Variants in ATP9B observed in about 807,000 individuals in gnomAD.
ATP9B encodes probable phospholipid-transporting ATPase IIB.
Under a neutral mutation model 146.1 loss-of-function variants are expected in ATP9B, and 110 were observed. The observed-to-expected ratio is 0.75, with a 90% confidence interval of 0.65 to 0.88. The LOEUF (loss-of-function observed/expected upper bound fraction) is 0.88, where lower values mean the gene tolerates loss of function less well. Among genes scored for constraint, ATP9B ranks in the 40% least tolerant of loss-of-function variants. The probability of loss-of-function intolerance (pLI) is 0.00; values close to 1 mark genes in which losing one functional copy is unlikely to be tolerated. For missense variants in ATP9B, 1,499 were observed against 1,496.4 expected, an observed-to-expected ratio of 1.00 and a Z score of -0.03; for synonymous variants, 604 against 569.7, an observed-to-expected ratio of 1.06 and a Z score of -0.86.
At chr18:79,143,555 A>G (rs1043546090) in intron 5 of ATP9B, among the ~76,000 whole-genome samples, 4 of 152,216 alleles carry the variant, frequency 2.6e-5, no homozygotes, top group Admixed American at 2.6e-4. Context: ...TTCTGAGTGT[A>G]GTCCCCTTTT....
chr18:79,330,812 A>G (rs1228855871), intron 17 of ATP9B, among the ~76,000 whole-genome samples: 2 of 152,248 alleles, frequency 1.3e-5, no homozygotes, highest in Non-Finnish European at 2.9e-5. Context: ...TTTTGTTTAT[A>G]ATAGAAATAG....
chr18:79,171,878 G>GTTTTT (rs144146479), intron 7 of ATP9B, among the ~76,000 whole-genome samples: 1 of 146,632 alleles, frequency 6.8e-6, no homozygotes, highest in East Asian at 2.0e-4. Flanking sequence ...TCGGAGACTC[G>GTTTTT]TTTTTTTTTG....
chr18:79,150,924 A>G (rs2094679278), intron 6 of ATP9B, among the ~76,000 whole-genome samples: 2 of 152,160 alleles, frequency 1.3e-5, no homozygotes, highest in Admixed American at 6.5e-5. Context: ...GCAGTGAGCC[A>G]TGATCATTGT....
intron 5 of ATP9B, among the ~76,000 whole-genome samples, chr18:79,136,609 T>A (rs2094450590): frequency 6.6e-6 from 1 of 152,208 alleles, no homozygotes; most frequent in Non-Finnish European, 1.5e-5. Context: ...AGTGACACAT[T>A]CATTGATGTT....
chr18:79,289,260 CG>C (rs2146078929), intron 13 of ATP9B, among the ~76,000 whole-genome samples: 1 of 152,284 alleles, frequency 6.6e-6, no homozygotes, highest in African/African-American at 2.4e-5. Flanking sequence ...GCCAATCAGA[CG>C]GAGATTTGGT....
intron 7 of ATP9B, among the ~76,000 whole-genome samples, chr18:79,164,485 G>A (rs1169291304): frequency 6.6e-6 from 1 of 152,156 alleles, no homozygotes; most frequent in Admixed American, 6.5e-5. Flanking sequence ...GGAGGCCGAG[G>A]CAGGCGGATC....
chr18:79,366,030 G>A (rs973708243), intron 26 of ATP9B, among the ~76,000 whole-genome samples: 1 of 152,268 alleles, frequency 6.6e-6, no homozygotes, highest in Non-Finnish European at 1.5e-5. Context: ...GGTTACTGCT[G>A]ACTCACATGA....
At chr18:79,203,740 A>C (rs1203702338) in intron 9 of ATP9B, among the ~76,000 whole-genome samples, 1 of 152,204 alleles carries the variant, frequency 6.6e-6, no homozygotes, top group Non-Finnish European at 1.5e-5. Context: ...CTTAATGCCA[A>C]CTGTATGCTC....
intron 26 of ATP9B, chr18:79,361,821 T>G: frequency 5.1e-6 from 5 of 985,354 alleles, no homozygotes; most frequent in Non-Finnish European, 6.0e-6. Flanking sequence ...GCCAACGCAG[T>G]TTATCCACAC....
At chr18:79,359,184 A>G (rs1353371175) in intron 25 of ATP9B, among the ~76,000 whole-genome samples, 170 bp from the exon 26 acceptor site, 2 of 152,170 alleles carry the variant, frequency 1.3e-5, no homozygotes, top group Admixed American at 6.5e-5. Flanking sequence ...GTGCTCTGAG[A>G]TAAATACTCA....
intron 1 of ATP9B, among the ~76,000 whole-genome samples, chr18:79,070,108 C>A (rs889478450): frequency 1.3e-5 from 2 of 152,132 alleles, no homozygotes; most frequent in Non-Finnish European, 2.9e-5. Context: ...TTAGTGGGGT[C>A]ACAGGTTAGC....
chr18:79,148,586 G>A (rs2094629950), intron 6 of ATP9B, among the ~76,000 whole-genome samples: 2 of 152,194 alleles, frequency 1.3e-5, no homozygotes, highest in African/African-American at 2.4e-5. Context: ...TAGAGGGACA[G>A]TAACAATATC....
intron 6 of ATP9B, chr18:79,145,216 G>A (rs1321466647): frequency 4.2e-5 from 6 of 141,568 alleles, no homozygotes; most frequent in South Asian, 3.6e-4. Flanking sequence ...GCTGCATGTC[G>A]GGGGAGCTGG....
chr18:79,072,292 C>G (rs1280168535), intron 1 of ATP9B, among the ~76,000 whole-genome samples: 2 of 151,768 alleles, frequency 1.3e-5, no homozygotes, highest in Non-Finnish European at 2.9e-5. Context: ...GGCAGAGGAC[C>G]CTGCGGCCTT....
At chr18:79,327,851 TCTCC>T (rs2096765751) in intron 15 of ATP9B, among the ~76,000 whole-genome samples, 2 of 50,140 alleles carry the variant, frequency 4.0e-5, no homozygotes, top group African/African-American at 7.2e-5. Context: ...GTTAGCGTGC[TCTCC>T]ATGGTTAGCG....
At chr18:79,080,137 T>G (rs2073090486) in intron 1 of ATP9B, among the ~76,000 whole-genome samples, 2 of 152,222 alleles carry the variant, frequency 1.3e-5, no homozygotes, top group Non-Finnish European at 2.9e-5. Context: ...CTTTTTTGGT[T>G]CCATATGAAA....
At chr18:79,200,750 T>TGGGAACTGTCGGGGTCAGAGCAGAGGCGC (rs2095470870) in intron 9 of ATP9B, among the ~76,000 whole-genome samples, 1 of 73,882 alleles carries the variant, frequency 1.4e-5, no homozygotes, top group African/African-American at 5.8e-5. Context: ...AGAGCAGAGG[T>TGGGAACTGTCGGGGTCAGAGCAGAGGCGC]GGAGGTGGGA....
chr18:79,263,342 C>T (rs1257476320), intron 12 of ATP9B, among the ~76,000 whole-genome samples: 2 of 152,170 alleles, frequency 1.3e-5, no homozygotes, highest in Admixed American at 1.3e-4. Context: ...AGTGGACCCT[C>T]CATGTCTGCG....
intron 13 of ATP9B, among the ~76,000 whole-genome samples, chr18:79,293,678 G>T (rs905188583): frequency 6.6e-6 from 1 of 152,092 alleles, no homozygotes; most frequent in Non-Finnish European, 1.5e-5. Context: ...TCAGGTATTT[G>T]GTTATAGCAA....
Sources: allele counts gnomAD v4.1 joint callset (sites outside exome capture counted in the v4.1 genomes callset), GRCh38; gene constraint gnomAD v4.1.1; transcripts MANE v1.5; gene names NCBI Gene and HGNC (gene_info 2026-07-23, HGNC 2026-07-21).